Variants in SDK2 observed in about 807,000 individuals in gnomAD.
The protein encoded by SDK2 is protein sidekick-2.
A neutral mutation model predicts 253.9 loss-of-function variants in SDK2; 105 were observed. The observed-to-expected ratio is 0.41, with a 90% CI of 0.35 to 0.49. The LOEUF (loss-of-function observed/expected upper bound fraction) is 0.49. Ranked by LOEUF, SDK2 falls within the 20% of genes least tolerant of loss-of-function variation. SDK2 has a pLI of 0.06. For missense variants in SDK2, 2,608 were observed against 3,003.0 expected (o/e 0.87, Z 3.07); for synonymous variants, 1,249 against 1,234.9 (o/e 1.01, Z -0.24).
At chr17:73,499,205 T>C (rs2063866551) in intron 2 of SDK2, among the ~76,000 whole-genome samples, 1 of 152,226 alleles carries the variant, frequency 6.6e-6, no homozygotes, top group South Asian at 2.1e-4. Flanking sequence ...GGAATTTCTC[T>C]TCATCTTCTT....
chr17:73,353,423 T>C (rs1161530499), intron 40 of SDK2, among the ~76,000 whole-genome samples: 1 of 152,010 alleles, frequency 6.6e-6, no homozygotes, highest in African/African-American at 2.4e-5. Context: ...GCTATTTTTC[T>C]TTTTTCTTTG....
intron 1 of SDK2, among the ~76,000 whole-genome samples, chr17:73,548,319 G>C (rs1375065348): frequency 6.6e-6 from 1 of 152,184 alleles, no homozygotes; most frequent in Non-Finnish European, 1.5e-5. Context: ...TGTTGGGAGA[G>C]AGAGGATTCT....
chr17:73,444,413 T>G (rs2063437119), intron 5 of SDK2, among the ~76,000 whole-genome samples: 1 of 152,036 alleles, frequency 6.6e-6, no homozygotes. Context: ...AAATCACAGG[T>G]GAGCCCGAGC....
intron 43 of SDK2, 97 bp downstream of exon 43, chr17:73,350,140 G>A: frequency 1.4e-6 from 1 of 702,784 alleles, no homozygotes; most frequent in African/African-American, 2.5e-5. Context: ...ACAAGGTATG[G>A]CCAGGTGGGC....
rs1444294007 is a variant in SDK2, at chr17:73,385,917, G to C, written c.4499C>G (p.Ala1500Gly). The C allele has an allele frequency of 1.2e-6, 2 of 1,600,508 alleles. No individual in the cohort carries two copies. The highest frequency in any genetic ancestry group is 3.5e-5 in the Admixed American group (2 of 57,944). ...ESESLTTLQA[A>G]PDEAPTILSV... ...GAGGATGGTGGGTGCTTCATCGGGG[G>C]CTGTGGAGAGAAGCAGACAGGTGGG... Residue 1500 changes from alanine (A) to glycine (G), a missense_variant and splice_region_variant, in exon 32 of 45, where the codon GCC becomes GGC. Ala to Gly is a moderately conservative substitution (Grantham distance 60). Transcript: ENST00000392650.
intron 27 of SDK2, among the ~76,000 whole-genome samples, chr17:73,392,242 G>A (rs1488119095): frequency 6.7e-6 from 1 of 150,276 alleles, no homozygotes; most frequent in African/African-American, 2.5e-5. Context: ...CCGCACTGCA[G>A]AACAGAATAA....
At chr17:73,493,006 G>A (rs2063817502) in intron 2 of SDK2, among the ~76,000 whole-genome samples, 1 of 152,222 alleles carries the variant, frequency 6.6e-6, no homozygotes, top group Non-Finnish European at 1.5e-5. Flanking sequence ...GGTGGAAAGC[G>A]GGAGATTCTC....
At chr17:73,451,329 A>G (rs909012433) in intron 4 of SDK2, among the ~76,000 whole-genome samples, 1 of 152,176 alleles carries the variant, frequency 6.6e-6, no homozygotes, top group African/African-American at 2.4e-5. Context: ...CAACATGGTA[A>G]AACCCTGTAT....
chr17:73,625,224 G>A (rs560232379), intron 1 of SDK2, among the ~76,000 whole-genome samples: 11 of 152,318 alleles, frequency 7.2e-5, no homozygotes, highest in South Asian at 4.1e-4. Flanking sequence ...ACCAGGGCGC[G>A]AGGCGGAATT....
intron 2 of SDK2, among the ~76,000 whole-genome samples, chr17:73,490,541 T>TTTA (rs2063798557): frequency 6.8e-6 from 1 of 146,446 alleles, no homozygotes; most frequent in Non-Finnish European, 1.5e-5. Context: ...TTTTTTTTTT[T>TTTA]GAGATGGGTT....
Position 73,494,865 on chromosome 17 carries a change from C to T in SDK2, c.224+12573G>A, listed in dbSNP as rs367769894. ...GGGGCACGGGCTGCGTGCAGGACCG[C>T]GTGCATCTGTGGGAAGCAGGTCGTA... On this transcript the variant is annotated intron_variant, in intron 2 of 44. Transcript: ENST00000392650. Among the ~76,000 whole-genome samples, 26 of 152,360 alleles carry T rather than the reference C, an allele frequency of 1.7e-4. No individual in the cohort carries two copies. The East Asian group carries it at 2.7e-3, about 16-fold the overall frequency.
Position 73,455,447 on chromosome 17 carries a change from C to T in SDK2, c.479+459G>A, listed in dbSNP as rs1372023735. On this transcript the variant is annotated intron_variant, in intron 4 of 44. Transcript: ENST00000392650. This position sits in a 1 kb window ranked among gnomAD's most constrained non-coding sequence, Gnocchi z 5.0. ...CTTCCCTGGCCACACCTCCGCCGCA[C>T]AGCCAAGACACACACAGCCCTCACA... Among the ~76,000 whole-genome samples the T allele has an allele frequency of 6.6e-6, 1 of 152,084 alleles. No individual in the cohort carries two copies. The highest frequency in any genetic ancestry group is 2.1e-4 in the South Asian group (1 of 4,830).
intron 1 of SDK2, among the ~76,000 whole-genome samples, chr17:73,572,693 AC>A (rs2045404083): frequency 6.6e-6 from 1 of 152,182 alleles, no homozygotes; most frequent in African/African-American, 2.4e-5. Context: ...AGATTGACTG[AC>A]TGACTGAATG....
chr17:73,488,324 T>C (rs1395978198), intron 2 of SDK2, among the ~76,000 whole-genome samples: 2 of 152,226 alleles, frequency 1.3e-5, no homozygotes, highest in Admixed American at 6.5e-5. Context: ...CCAAGATGGC[T>C]GTCTTATAGA....
At position 73,414,733 on chromosome 17, in the gene SDK2, G is replaced by C. The variant is rs756652190; in HGVS notation, c.2395C>G (p.His799Asp). The C allele has an allele frequency of 1.2e-6, 2 of 1,613,604 alleles. No individual in the cohort carries two copies. Among genetic ancestry groups the C allele is most frequent in the African/African-American group, 1.3e-5 (1 of 74,862 alleles). The change falls in exon 18 of 45, where the codon CAC (histidine) becomes GAC (aspartate). Residue 799 changes from histidine (H) to aspartate (D), a missense_variant. Transcript: ENST00000392650. Reference sequence around the variant, plus strand: ...GTCGTGGAATTGGTGGCTTCCGCGTGCACATTGCCCGGAGGGACCGTGGGA... The same window carrying C: ...GTCGTGGAATTGGTGGCTTCCGCGTCCACATTGCCCGGAGGGACCGTGGGA... ...GVPTVPPGNV[H>D]AEATNSTTIR...
At chr17:73,503,099 C>A (rs28804765) in intron 2 of SDK2, among the ~76,000 whole-genome samples, 87,393 of 151,950 alleles carry the variant, frequency 0.58, 25,447 homozygotes, top group Non-Finnish European at 0.62. Context: ...AGTGCCAAAG[C>A]CATGAAAGGT....
chr17:73,572,072 C>T lies in SDK2; in HGVS notation c.65-64475G>A, dbSNP rs370600940. Among the ~76,000 whole-genome samples the T allele has an allele frequency of 2.0e-5, 3 of 152,172 alleles. No individual in the cohort carries two copies. In the East Asian group the frequency reaches 5.8e-4, roughly 29 times the overall value. On this transcript the variant is annotated intron_variant, in intron 1 of 44. Coordinates refer to ENST00000392650, the MANE Select transcript of SDK2 (RefSeq NM_001144952.2). ...CTGGGAAAGATGGACAGTTCTGGGG[C>T]CTAAACTGCAGGCGGACAAGACCTC... is the stretch of plus-strand genomic sequence containing the variant.
intron 12 of SDK2, among the ~76,000 whole-genome samples, chr17:73,428,480 GCAC>G (rs1427927899): frequency 6.6e-6 from 1 of 152,144 alleles, no homozygotes; most frequent in Non-Finnish European, 1.5e-5. Flanking sequence ...GGATTCAGCG[GCAC>G]CACTTTAGTC....
At chr17:73,550,229 G>A (rs998618442) in intron 1 of SDK2, among the ~76,000 whole-genome samples, 1 of 152,172 alleles carries the variant, frequency 6.6e-6, no homozygotes, top group East Asian at 1.9e-4. Context: ...GGTCAGGGAG[G>A]TGGCAGACTG....
Sources: allele counts gnomAD v4.1 joint callset (sites outside exome capture counted in the v4.1 genomes callset), GRCh38; gene constraint gnomAD v4.1.1; non-coding constraint Gnocchi (gnomAD v3.1); transcripts MANE v1.5; gene names NCBI Gene and HGNC (gene_info 2026-07-23, HGNC 2026-07-21).